TAB2: variants seen among roughly 807,000 people sequenced by gnomAD.
TAB2 encodes the protein TGF-beta activated kinase 1 (MAP3K7) binding protein 2.
Under a neutral mutation model 65.0 loss-of-function variants are expected in TAB2, and 3 were observed. The observed-to-expected ratio is 0.05, with a 90% CI of 0.02 to 0.12. The LOEUF (loss-of-function observed/expected upper bound fraction) is 0.12, where lower values mean the gene tolerates loss of function less well. Ranked by LOEUF, TAB2 falls within the 10% of genes least tolerant of loss-of-function variation. TAB2 has a pLI of 1.00. For synonymous variants in TAB2, 298 were observed against 285.1 expected (o/e 1.05, Z -0.46); for missense variants, 623 against 840.3 (o/e 0.74, Z 3.20).
At chr6:149,354,729 G>T (rs1387322689) in intron 1 of TAB2, among the ~76,000 whole-genome samples, 2 of 152,130 alleles carry the variant, frequency 1.3e-5, no homozygotes, top group African/African-American at 4.8e-5. Flanking sequence ...GCACTTAGTG[G>T]TGGTAGTTTT....
intron 3 of TAB2, among the ~76,000 whole-genome samples, chr6:149,389,961 T>G (rs1781929664): frequency 6.6e-6 from 1 of 152,236 alleles, no homozygotes; most frequent in Non-Finnish European, 1.5e-5. Flanking sequence ...TCCTCATACT[T>G]TTATTTTACA....
chr6:149,260,176 G>T (rs527884113), intron 1 of TAB2, among the ~76,000 whole-genome samples: 9 of 152,312 alleles, frequency 5.9e-5, no homozygotes, highest in South Asian at 2.1e-4. Context: ...TAAAGGGAGA[G>T]GTAAACCGGC....
intron 1 of TAB2, among the ~76,000 whole-genome samples, chr6:149,325,856 C>T (rs1217087135): frequency 6.6e-6 from 1 of 152,202 alleles, no homozygotes; most frequent in Non-Finnish European, 1.5e-5. Flanking sequence ...CCTCCCACCT[C>T]AGCCTTCCAA....
At chr6:149,244,881 T>G (rs1006166795) in intron 1 of TAB2, 11 of 144,272 alleles carry the variant, frequency 7.6e-5, no homozygotes, top group Admixed American at 1.4e-4. Context: ...AGACTTCATC[T>G]CAAAAAAAAA....
At chr6:149,339,056 C>T (rs1334774581) in intron 1 of TAB2, among the ~76,000 whole-genome samples, 3 of 152,108 alleles carry the variant, frequency 2.0e-5, no homozygotes, top group African/African-American at 4.8e-5. Context: ...GCACAGATAG[C>T]GTAATTTTGT....
intron 1 of TAB2, among the ~76,000 whole-genome samples, chr6:149,219,460 A>G (rs573754882): frequency 6.6e-6 from 1 of 152,316 alleles, no homozygotes; most frequent in South Asian, 2.1e-4. Flanking sequence ...TAGTTTGCCC[A>G]GATTGCCCGC....
chr6:149,278,100 A>G (rs1778509953), intron 1 of TAB2, among the ~76,000 whole-genome samples: 1 of 152,218 alleles, frequency 6.6e-6, no homozygotes, highest in Non-Finnish European at 1.5e-5. Context: ...TCTTTGTTTA[A>G]TCATTGTATT....
intron 1 of TAB2, among the ~76,000 whole-genome samples, chr6:149,297,753 G>A (rs1437993394): frequency 6.6e-5 from 10 of 151,920 alleles, no homozygotes; most frequent in Admixed American, 2.0e-4. Flanking sequence ...GGCTGATCTC[G>A]AACTCCTGGC....
chr6:149,403,335 T>C (rs1782542158), intron 6 of TAB2, among the ~76,000 whole-genome samples: 1 of 33,382 alleles, frequency 3.0e-5, no homozygotes, highest in African/African-American at 1.1e-4. Context: ...TATATACATA[T>C]ATATACACAC....
chr6:149,407,460 C>G (rs919751386), intron 6 of TAB2, among the ~76,000 whole-genome samples: 4 of 152,084 alleles, frequency 2.6e-5, no homozygotes, highest in Admixed American at 2.6e-4. Context: ...GCTGTCCTCT[C>G]TACTTTTATA....
chr6:149,272,647 G>A (rs1750577906), intron 1 of TAB2, among the ~76,000 whole-genome samples: 1 of 152,120 alleles, frequency 6.6e-6, no homozygotes, highest in South Asian at 2.1e-4. Context: ...CTCATCTCAA[G>A]ATGCCTAACT....
chr6:149,255,663 T>C (rs996826963), intron 1 of TAB2, among the ~76,000 whole-genome samples: 1 of 152,262 alleles, frequency 6.6e-6, no homozygotes, highest in African/African-American at 2.4e-5. Flanking sequence ...GAAGTGTTTG[T>C]ATTCTAGATT....
chr6:149,276,243 C>T (rs1034695461), intron 1 of TAB2, among the ~76,000 whole-genome samples: 1 of 152,032 alleles, frequency 6.6e-6, no homozygotes. Flanking sequence ...ATATAATGGA[C>T]TAAAAATTGG....
intron 1 of TAB2, among the ~76,000 whole-genome samples, chr6:149,250,312 T>C (rs1481039747): frequency 6.6e-6 from 1 of 152,118 alleles, no homozygotes; most frequent in African/African-American, 2.4e-5. Flanking sequence ...AAACTTTTTT[T>C]TTTTTCTTTT....
intron 1 of TAB2, among the ~76,000 whole-genome samples, chr6:149,359,007 A>G (rs1472793824): frequency 1.3e-5 from 2 of 151,634 alleles, no homozygotes; most frequent in Admixed American, 6.6e-5. Context: ...TTTTCACTTT[A>G]TATCTTATTG....
At chr6:149,263,125 G>A (rs978110113) in intron 1 of TAB2, among the ~76,000 whole-genome samples, 2 of 152,174 alleles carry the variant, frequency 1.3e-5, no homozygotes, top group African/African-American at 4.8e-5. Flanking sequence ...CTTTCTAAGA[G>A]TTAAATATTC....
chr6:149,405,674 A>C (rs1008051207), intron 6 of TAB2, among the ~76,000 whole-genome samples: 3 of 152,210 alleles, frequency 2.0e-5, no homozygotes, highest in Non-Finnish European at 2.9e-5. Context: ...TATCTCACCT[A>C]TATGTAGAAT....
intron 1 of TAB2, among the ~76,000 whole-genome samples, chr6:149,253,952 GAAAGAAAAAGAAAGAA>G (rs1777919463): frequency 2.1e-5 from 2 of 93,564 alleles, no homozygotes; most frequent in Admixed American, 1.4e-4. Flanking sequence ...GAGAAAGAAA[GAAAGAAAAAGAAAGAA>G]AGAAAGAAAG....
Position 149,350,656 on chromosome 6 carries a change from C to T in TAB2, c.-89-19253C>T, listed in dbSNP as rs1174660384. 5.0e-5 allele frequency among the ~76,000 whole-genome samples: 7 copies of T among 140,740 alleles called. No individual in the cohort carries two copies. The East Asian group carries it at 1.0e-3, about 20-fold the overall frequency. 92.3% of individuals were successfully genotyped at this position (140,740 alleles called of 152,430 possible). A position where few individuals can be genotyped will look rare whatever the true frequency, so the allele number is the denominator to read the frequency against. Reference sequence around the variant, plus strand: ...TTTTTTTTTTTAAGAGCTCAGTCACCCAGGCTGGAGTGCAGTGGCACAATC... The same window carrying T: ...TTTTTTTTTTTAAGAGCTCAGTCACTCAGGCTGGAGTGCAGTGGCACAATC... On this transcript the variant is annotated intron_variant, in intron 1 of 6. Transcript: ENST00000637181.
Sources: allele counts gnomAD v4.1 joint callset (sites outside exome capture counted in the v4.1 genomes callset), GRCh38; gene constraint gnomAD v4.1.1; transcripts MANE v1.5; gene names NCBI Gene and HGNC (gene_info 2026-07-23, HGNC 2026-07-21).